Variants in RGS6 observed in about 807,000 individuals in gnomAD.
The protein encoded by RGS6 is regulator of G protein signaling 6.
A neutral mutation model predicts 78.5 loss-of-function variants in RGS6; 30 were observed. That is an observed-to-expected ratio of 0.38 (90% CI 0.29 to 0.52). The LOEUF (loss-of-function observed/expected upper bound fraction) is 0.52, where lower values mean the gene tolerates loss of function less well. Ranked by LOEUF, RGS6 falls within the 20% of genes least tolerant of loss-of-function variation. RGS6 has a pLI of 0.85. For synonymous variants in RGS6, 206 were observed against 206.0 expected, an observed-to-expected ratio of 1.00 and a Z score of 0.00; for missense variants, 495 against 609.7, an observed-to-expected ratio of 0.81 and a Z score of 1.98.
At chr14:72,398,553 C>T (rs1481739967) in intron 3 of RGS6, among the ~76,000 whole-genome samples, 1 of 152,156 alleles carries the variant, frequency 6.6e-6, no homozygotes, top group Non-Finnish European at 1.5e-5. Flanking sequence ...CTATTTCCTT[C>T]AGTTCTGTTC....
chr14:72,495,138 C>G lies in RGS6; in HGVS notation c.855-14C>G. On this transcript the variant is annotated splice_polypyrimidine_tract_variant and intron_variant, in intron 12 of 17. Coordinates refer to ENST00000553525, the MANE Select transcript of RGS6 (RefSeq NM_001204424.2). ...GAAATCAGTGGCATTCTTTGCTCTGCCTCCCTCCTGCAGTTTAATTGCCTA... is the reference window on the plus strand; with the variant it reads ...GAAATCAGTGGCATTCTTTGCTCTGGCTCCCTCCTGCAGTTTAATTGCCTA... 25 of 1,476,552 alleles carry G rather than the reference C, an allele frequency of 1.7e-5. No homozygotes were observed. Among genetic ancestry groups the G allele is most frequent in the Non-Finnish European group, 2.3e-5 (24 of 1,054,768 alleles). The allele number at this position is 1,476,552 out of a possible 1,614,324, so 91.5% of individuals were successfully genotyped here.
At chr14:72,173,383 A>G (rs2097055153) in intron 2 of RGS6, among the ~76,000 whole-genome samples, 2 of 152,080 alleles carry the variant, frequency 1.3e-5, no homozygotes, top group South Asian at 4.1e-4. Context: ...AGGTAAACTC[A>G]ACTCCCTTTC....
chr14:72,585,229 TC>T, the RGS6 span, among the ~76,000 whole-genome samples: 9 of 152,184 alleles, frequency 5.9e-5, no homozygotes, highest in African/African-American at 2.2e-4. Flanking sequence ...AAAGTTGAAC[TC>T]ACAATCTCCC....
At chr14:72,524,343 G>T (rs2097092539) in intron 15 of RGS6, among the ~76,000 whole-genome samples, 1 of 152,218 alleles carries the variant, frequency 6.6e-6, no homozygotes. Context: ...GGCATAGTAG[G>T]CTGGAGCCAA....
intron 2 of RGS6, among the ~76,000 whole-genome samples, chr14:72,066,723 TAC>T (rs941556854): frequency 1.7e-4 from 26 of 152,056 alleles, no homozygotes; most frequent in African/African-American, 5.8e-4. Flanking sequence ...GGAAAAAAAA[TAC>T]AGTTTCCGAT....
chr14:71,981,376 T>C (rs948467947), intron 2 of RGS6, among the ~76,000 whole-genome samples: 1 of 152,212 alleles, frequency 6.6e-6, no homozygotes, highest in Non-Finnish European at 1.5e-5. Flanking sequence ...TTCTGTTTTT[T>C]CCCCATCTTT....
At chr14:72,120,755 AG>A (rs1567245830) in intron 2 of RGS6, among the ~76,000 whole-genome samples, 1 of 152,164 alleles carries the variant, frequency 6.6e-6, no homozygotes, top group Non-Finnish European at 1.5e-5. Flanking sequence ...AAACGAATCT[AG>A]GGGGAAAGAA....
the RGS6 span, among the ~76,000 whole-genome samples, chr14:71,867,436 C>T: frequency 8.0e-6 from 1 of 124,660 alleles, no homozygotes; most frequent in Non-Finnish European, 1.7e-5. Context: ...AGTCTCCCAT[C>T]CCATCATCTC....
the RGS6 span, among the ~76,000 whole-genome samples, chr14:72,605,030 G>C: frequency 6.6e-6 from 1 of 152,204 alleles, no homozygotes. Context: ...TGGGAGGCAA[G>C]GGAGGGTACA....
At chr14:71,927,783 G>A (rs12437172), upstream of RGS6, among the ~76,000 whole-genome samples, 20,463 of 150,868 alleles carry the variant, frequency 0.14, 1,724 homozygotes, top group East Asian at 0.19. Context: ...TCAGCCTCCC[G>A]TGTAGCTGGG....
At chr14:72,019,923 G>T (rs1266280298) in intron 2 of RGS6, among the ~76,000 whole-genome samples, 1 of 152,184 alleles carries the variant, frequency 6.6e-6, no homozygotes, top group Non-Finnish European at 1.5e-5. Flanking sequence ...GAGCATTCTG[G>T]AATGCTGCAT....
At chr14:72,521,059 C>T (rs28696075) in intron 15 of RGS6, among the ~76,000 whole-genome samples, 2,053 of 152,220 alleles carry the variant, frequency 0.013, 42 homozygotes, top group African/African-American at 0.047. Context: ...CCTTTTCAGT[C>T]GACAGAGCTA....
In RGS6 at chr14:72,096,745, T is replaced by C. The variant is rs147108513; in HGVS notation, c.84+131870T>C. ...GTTTCCAAGAGACCAGGGGGGCTGC[T>C]GCAAAGCTTTTAACCTGAGCTTGCA... On this transcript the variant is annotated intron_variant, in intron 2 of 17. Coordinates refer to ENST00000553525, the MANE Select transcript of RGS6 (RefSeq NM_001204424.2). Among the ~76,000 whole-genome samples the C allele has an allele frequency of 9.2e-5, 14 of 152,326 alleles. No individual in the cohort carries two copies. In the East Asian group the frequency reaches 2.1e-3, roughly 23 times the overall value.
chr14:72,403,872 A>G (rs1363210961), intron 3 of RGS6, among the ~76,000 whole-genome samples: 1 of 152,202 alleles, frequency 6.6e-6, no homozygotes, highest in African/African-American at 2.4e-5. Flanking sequence ...GCTGAAAGAA[A>G]ATTATGTTTA....
At chr14:72,453,866 G>A (rs937441450) in intron 3 of RGS6, among the ~76,000 whole-genome samples, 1 of 152,126 alleles carries the variant, frequency 6.6e-6, no homozygotes, top group Non-Finnish European at 1.5e-5. Flanking sequence ...CCAGCCAGTA[G>A]ATGGGATTGA....
intron 15 of RGS6, among the ~76,000 whole-genome samples, chr14:72,532,136 A>G (rs1247854234): frequency 6.6e-6 from 1 of 152,252 alleles, no homozygotes. Context: ...AAACAAGTCT[A>G]TCAGCACCAT....
At chr14:71,989,944 A>G (rs868618903) in intron 2 of RGS6, among the ~76,000 whole-genome samples, 9 of 151,496 alleles carry the variant, frequency 5.9e-5, no homozygotes, top group Middle Eastern at 6.8e-3. Context: ...GTAAAGGAGT[A>G]CCAGACACTG....
At chr14:72,256,833 A>G (rs1229664257) in intron 2 of RGS6, among the ~76,000 whole-genome samples, 1 of 152,224 alleles carries the variant, frequency 6.6e-6, no homozygotes, top group East Asian at 1.9e-4. Context: ...AAACAGTAGT[A>G]TGCTATGCTT....
At chr14:71,875,024 G>A in the RGS6 span, among the ~76,000 whole-genome samples, 2 of 152,172 alleles carry the variant, frequency 1.3e-5, no homozygotes, top group Non-Finnish European at 2.9e-5. Flanking sequence ...GCTTTTTGAT[G>A]TGCTACTGGA....
Sources: allele counts gnomAD v4.1 joint callset (sites outside exome capture counted in the v4.1 genomes callset), GRCh38; gene constraint gnomAD v4.1.1; transcripts MANE v1.5; gene names NCBI Gene and HGNC (gene_info 2026-07-23, HGNC 2026-07-21).